The following HERC1 variants were observed in gnomAD, a reference collection of about 807,000 sequenced individuals.
HERC1 encodes the protein HECT and RLD domain containing E3 ubiquitin protein ligase family member 1, also known as probable E3 ubiquitin-protein ligase HERC1.
A neutral mutation model predicts 554.3 loss-of-function variants in HERC1; 160 were observed. The observed-to-expected ratio is 0.29, with a 90% CI of 0.25 to 0.33. The LOEUF (loss-of-function observed/expected upper bound fraction) is 0.33. HERC1 is among the 10% of genes least tolerant of loss of function. The pLI is 1.00. For missense variants in HERC1, 4,919 were observed against 5,918.5 expected, an observed-to-expected ratio of 0.83 and a Z score of 5.54; for synonymous variants, 2,175 against 2,131.7, an observed-to-expected ratio of 1.02 and a Z score of -0.56.
Position 63,616,670 on chromosome 15 carries a change from G to T in HERC1, c.13701C>A (p.Asn4567Lys), listed in dbSNP as rs1243703960. 1.2e-6 allele frequency: 2 copies of T among 1,613,106 alleles called. No individual in the cohort carries two copies. The highest frequency in any genetic ancestry group is 2.2e-5 in the South Asian group (2 of 91,030). The change falls in exon 75 of 78, where the codon AAC (asparagine) becomes AAA (lysine). Residue 4567 changes from asparagine to lysine, a missense_variant. Physicochemically the swap from Asn to Lys is moderately conservative, Grantham distance 94. Coordinates refer to ENST00000443617, the MANE Select transcript of HERC1 (RefSeq NM_003922.4). The part of the protein sequence containing the change: ...VGYNRDRFLF[N>K]PSACLDEHLM... The stretch of plus-strand genomic sequence containing the variant: ...AGTGTTCATCGAGGCAGGCAGAAGG[G>T]TTAAAAAGGAACCTGTAAAATTAAA...
chr15:63,674,869 A>T lies in HERC1; in HGVS notation c.7319T>A (p.Met2440Lys), dbSNP rs774669726. The change falls in exon 38 of 78, where the codon ATG becomes AAG. Residue 2440 changes from methionine (M) to lysine (K), a missense_variant. By Grantham distance (95) the Met-to-Lys change is moderately conservative. Coordinates refer to ENST00000443617, the MANE Select transcript of HERC1 (RefSeq NM_003922.4). Reference sequence around the variant, plus strand: ...GTCATCAGATGTTAGGCCTGTTCGCATATCTAAAGCGGATTCACTCTCAGG... The same window carrying T: ...GTCATCAGATGTTAGGCCTGTTCGCTTATCTAAAGCGGATTCACTCTCAGG... ...QKPESESALD[M>K]RTGLTSDDVK... 1 of 1,613,786 alleles carries T rather than the reference A, an allele frequency of 6.2e-7. No individual in the cohort carries two copies. Among genetic ancestry groups the T allele is most frequent in the South Asian group, 1.1e-5 (1 of 91,080 alleles).
chr15:63,784,553 C>T (rs1256000412), intron 1 of HERC1, among the ~76,000 whole-genome samples: 2 of 152,028 alleles, frequency 1.3e-5, no homozygotes, highest in Non-Finnish European at 1.5e-5. Flanking sequence ...AAGATATTTG[C>T]TCTTCACTGC....
chr15:63,720,770 A>G (rs2073785002), intron 19 of HERC1, among the ~76,000 whole-genome samples: 1 of 152,230 alleles, frequency 6.6e-6, no homozygotes, highest in Admixed American at 6.5e-5. Context: ...AAATCCAACA[A>G]GACTCCATTT....
At chr15:63,699,091 T>C in intron 25 of HERC1, 95 bp from the exon 26 acceptor site, 1 of 1,040,932 alleles carries the variant, frequency 9.6e-7, no homozygotes. Flanking sequence ...CATAACCAAC[T>C]GGTGAAAAAT....
rs1432565102 is a variant in HERC1 at position 63,718,948 on chromosome 15, C to A, written c.3743-51G>T. On this transcript the variant is annotated intron_variant, in intron 19 of 77. Transcript: ENST00000443617. The surrounding 1 kb of genome is among the most constrained non-coding windows in gnomAD (Gnocchi z 4.2). The stretch of plus-strand genomic sequence containing the variant: ...ATTTAAAAGGGCTCAGAAAACAGTT[C>A]AGAGGTAATTTTTATAGCTTTAGTC... 2 of 1,297,700 alleles carry A rather than the reference C, an allele frequency of 1.5e-6. No individual in the cohort carries two copies. The highest frequency in any genetic ancestry group is 2.2e-6 in the Non-Finnish European group (2 of 918,710). 80.4% of individuals were successfully genotyped at this position (1,297,700 alleles called of 1,614,324 possible). A position where few individuals can be genotyped will look rare whatever the true frequency, so the allele number is the denominator to read the frequency against.
At chr15:63,704,352 G>C (rs1234505831) in intron 25 of HERC1, among the ~76,000 whole-genome samples, 1 of 152,066 alleles carries the variant, frequency 6.6e-6, no homozygotes, top group African/African-American at 2.4e-5. Context: ...ATGCTGACCT[G>C]GTTAACACAG....
At chr15:63,709,061 C>T (rs951717786) in intron 24 of HERC1, among the ~76,000 whole-genome samples, 5 of 152,210 alleles carry the variant, frequency 3.3e-5, no homozygotes, top group African/African-American at 1.2e-4. Context: ...GCCATCTCGG[C>T]TCACTATAAC....
intron 67 of HERC1, among the ~76,000 whole-genome samples, chr15:63,633,265 G>A (rs2068640215): frequency 6.6e-6 from 1 of 152,218 alleles, no homozygotes; most frequent in Non-Finnish European, 1.5e-5. Context: ...ATAAATGGTG[G>A]TGAATCTGAA....
At chr15:63,618,307 A>G (rs1299001255) in intron 74 of HERC1, among the ~76,000 whole-genome samples, 1 of 152,160 alleles carries the variant, frequency 6.6e-6, no homozygotes, top group Non-Finnish European at 1.5e-5. Context: ...AAGATCAGAT[A>G]GTTGTAGATA....
intron 1 of HERC1, among the ~76,000 whole-genome samples, chr15:63,782,682 C>T (rs778879107): frequency 2.0e-5 from 3 of 152,168 alleles, no homozygotes; most frequent in Non-Finnish European, 2.9e-5. Flanking sequence ...GCTATAGCTG[C>T]CACAGATAGT....
intron 1 of HERC1, among the ~76,000 whole-genome samples, chr15:63,810,766 A>T (rs141213085): frequency 6.6e-6 from 1 of 152,302 alleles, no homozygotes; most frequent in African/African-American, 2.4e-5. Flanking sequence ...AAGGGGAAAA[A>T]AGTGTACATT....
chr15:63,697,715 A>G (rs949069511), intron 26 of HERC1, among the ~76,000 whole-genome samples: 3 of 152,166 alleles, frequency 2.0e-5, no homozygotes, highest in Admixed American at 6.5e-5. Context: ...TTGGCCTCCC[A>G]AAGTGCTGGG....
At chr15:63,700,875 T>G (rs1227662761) in intron 25 of HERC1, among the ~76,000 whole-genome samples, 2 of 151,942 alleles carry the variant, frequency 1.3e-5, no homozygotes, top group East Asian at 1.9e-4. Flanking sequence ...TGTATTAAGT[T>G]AAAAATATTT....
At chr15:63,809,652 G>C (rs1010510765) in intron 1 of HERC1, among the ~76,000 whole-genome samples, 22 of 152,136 alleles carry the variant, frequency 1.4e-4, no homozygotes, top group Non-Finnish European at 2.8e-4. Flanking sequence ...GTACGGAGTT[G>C]AATTTTAAGG....
chr15:63,702,376 G>C (rs1246216026), intron 25 of HERC1, among the ~76,000 whole-genome samples: 2 of 151,980 alleles, frequency 1.3e-5, no homozygotes, highest in Non-Finnish European at 2.9e-5. Context: ...TATTATTTTA[G>C]CAATAAAACC....
At chr15:63,826,650 C>A (rs2077912963) in intron 1 of HERC1, among the ~76,000 whole-genome samples, 1 of 151,232 alleles carries the variant, frequency 6.6e-6, no homozygotes. Flanking sequence ...TAATAAGCTA[C>A]ATGTATGAAT....
At chr15:63,744,533 T>A (rs2074982687) in intron 12 of HERC1, among the ~76,000 whole-genome samples, 1 of 152,122 alleles carries the variant, frequency 6.6e-6, no homozygotes, top group Non-Finnish European at 1.5e-5. Flanking sequence ...TCTATTGTAC[T>A]ATGGCTGAGC....
In HERC1 at chr15:63,625,988, G is replaced by A. The variant is rs1243825599; in HGVS notation, c.13272C>T (p.Asn4424=). The change falls in exon 71 of 78, where the codon AAC becomes AAT. Residue 4424 remains asparagine, a synonymous_variant. Transcript: ENST00000443617. ...SWRLLNLSPN[N]QNSTSHYNAG... ...GCTTACCACGCCAGTCTGTTACCTG[G>A]TTGTTGGGGCTAAGGTTCAGCAGTC... The A allele has an allele frequency of 6.2e-7, 1 of 1,607,736 alleles. No homozygotes were observed. The highest frequency in any genetic ancestry group is 8.5e-7 in the Non-Finnish European group (1 of 1,177,042).
chr15:63,694,316 T>C lies in HERC1; in HGVS notation c.5476A>G (p.Thr1826Ala). The change falls in exon 29 of 78, where the codon ACT becomes GCT. Residue 1826 changes from threonine to alanine, a missense_variant. Physicochemically the swap from Thr to Ala is moderately conservative, Grantham distance 58. Around this residue, in one of 11 missense-constraint regions of HERC1, gnomAD observed 1,121 missense variants for 1,244.0 expected, o/e 0.90. Coordinates refer to ENST00000443617, the MANE Select transcript of HERC1 (RefSeq NM_003922.4). The surrounding 1 kb of genome is among the most constrained non-coding windows in gnomAD (Gnocchi z 4.3). ...TRLLQILAIT[T>A]GTYADKLSPK... is the part of the protein sequence containing the mutation. ...AAAGACATCTACCATACTTACCCAG[T>C]AGTGATGGCTAGAATCTGGAGCAAC... is the stretch of plus-strand genomic sequence containing the variant. 8.7e-6 allele frequency: 14 copies of C among 1,612,198 alleles called. No homozygotes were observed. Among genetic ancestry groups the C allele is most frequent in the Non-Finnish European group, 1.2e-5 (14 of 1,178,980 alleles).
Sources: allele counts gnomAD v4.1 joint callset (sites outside exome capture counted in the v4.1 genomes callset), GRCh38; gene constraint gnomAD v4.1.1; regional missense constraint gnomAD v4.1.1; non-coding constraint Gnocchi (gnomAD v3.1); transcripts MANE v1.5; gene names NCBI Gene and HGNC (gene_info 2026-07-23, HGNC 2026-07-21).